Variants in TNFRSF21 observed in about 807,000 individuals in gnomAD.
TNFRSF21 encodes the protein TNF receptor superfamily member 21.
A neutral mutation model predicts 45.6 loss-of-function variants in TNFRSF21; 19 were observed. The observed-to-expected ratio is 0.42, with a 90% CI of 0.29 to 0.61. TNFRSF21 has a LOEUF of 0.61. Among genes scored for constraint, TNFRSF21 ranks in the 20% least tolerant of loss-of-function variants. The pLI, the probability that TNFRSF21 is intolerant of heterozygous loss-of-function variation, is 0.23. For synonymous variants in TNFRSF21, 314 were observed against 335.5 expected (o/e 0.94, Z 0.70); for missense variants, 737 against 851.5 (o/e 0.87, Z 1.67).
intron 4 of TNFRSF21, among the ~76,000 whole-genome samples, chr6:47,247,989 T>G (rs1002440263): frequency 6.6e-6 from 1 of 152,216 alleles, no homozygotes; most frequent in South Asian, 2.1e-4. Context: ...AAGTAGAGCA[T>G]TGATTCTCCA....
chr6:47,246,689 G>C (rs529668040), intron 4 of TNFRSF21, among the ~76,000 whole-genome samples: 8 of 152,166 alleles, frequency 5.3e-5, no homozygotes, highest in African/African-American at 1.2e-4. Flanking sequence ...TAAAACAGAC[G>C]TTCTTTGCAG....
At chr6:47,282,758 T>C (rs1762588118) in intron 3 of TNFRSF21, among the ~76,000 whole-genome samples, 1 of 152,212 alleles carries the variant, frequency 6.6e-6, no homozygotes, top group South Asian at 2.1e-4. Context: ...TTTGTTTTTT[T>C]CCTTTAACCT....
At chr6:47,245,650 T>G (rs956137379) in intron 4 of TNFRSF21, among the ~76,000 whole-genome samples, 4 of 148,822 alleles carry the variant, frequency 2.7e-5, no homozygotes, top group African/African-American at 1.0e-4. Context: ...ACAATTATAA[T>G]TAACAGTATT....
intron 1 of TNFRSF21, among the ~76,000 whole-genome samples, chr6:47,297,932 G>A (rs1479757528): frequency 6.6e-6 from 1 of 151,980 alleles, no homozygotes; most frequent in East Asian, 1.9e-4. Flanking sequence ...AACCATCCCG[G>A]ACTTAGAGCA....
chr6:47,262,935 C>T (rs924198506), intron 3 of TNFRSF21, among the ~76,000 whole-genome samples: 1 of 152,148 alleles, frequency 6.6e-6, no homozygotes, highest in African/African-American at 2.4e-5. Context: ...TCTGACTTTA[C>T]ATTTAAACAG....
chr6:47,309,639 T>C lies in TNFRSF21; in HGVS notation c.-128A>G. 2 of 1,256,870 alleles carry C rather than the reference T, an allele frequency of 1.6e-6. No individual in the cohort carries two copies. Among genetic ancestry groups the C allele is most frequent in the Non-Finnish European group, 2.0e-6 (2 of 978,562 alleles). 77.9% of individuals were successfully genotyped at this position (1,256,870 alleles called of 1,614,324 possible). On this transcript the variant is annotated 5_prime_UTR_variant, in exon 1 of 6. An upstream start codon of the reference 5' UTR is lost. Transcript: ENST00000296861. Reference sequence around the variant, plus strand: ...GAGCCCATCTACCTCCAACACCCCATGTGCACTGCTGCGGCCGGGCAGAGG... The same window carrying C: ...GAGCCCATCTACCTCCAACACCCCACGTGCACTGCTGCGGCCGGGCAGAGG...
chr6:47,237,292 A>T (rs889017054), intron 4 of TNFRSF21, among the ~76,000 whole-genome samples: 4 of 151,496 alleles, frequency 2.6e-5, no homozygotes, highest in Non-Finnish European at 5.9e-5. Flanking sequence ...TTCCCAAAAG[A>T]AAAAAAAATG....
At chr6:47,269,549 GT>G (rs1762382965) in intron 3 of TNFRSF21, among the ~76,000 whole-genome samples, 1 of 152,180 alleles carries the variant, frequency 6.6e-6, no homozygotes, top group African/African-American at 2.4e-5. Context: ...AGGATAGCAT[GT>G]TTACTTCATA....
intron 1 of TNFRSF21, among the ~76,000 whole-genome samples, chr6:47,299,880 G>A (rs1762842477): frequency 1.3e-5 from 2 of 152,200 alleles, no homozygotes; most frequent in African/African-American, 2.4e-5. Flanking sequence ...GGCAAATTCA[G>A]TTCTTCTGGA....
rs143094975 is a variant in TNFRSF21, at chr6:47,232,660, A to AAC, written c.*103_*104dup. 3.0e-5 allele frequency: 19 copies of AAC among 635,946 alleles called. No individual in the cohort carries two copies. The highest frequency in any genetic ancestry group is 8.7e-5 in the Admixed American group (3 of 34,620). The allele number at this position is 635,946 out of a possible 1,614,324, so 39.4% of individuals were successfully genotyped here. On this transcript the variant is annotated 3_prime_UTR_variant, in exon 6 of 6. Coordinates refer to ENST00000296861, the MANE Select transcript of TNFRSF21 (RefSeq NM_014452.5). Reference sequence around the variant, plus strand: ...ACACACACACACACACACACACACAAACACACACACACACCCCAAACAACA... The same window carrying AAC: ...ACACACACACACACACACACACACAAACACACACACACACACCCCAAACAACA...
At chr6:47,237,578 A>G (rs973797823) in intron 4 of TNFRSF21, among the ~76,000 whole-genome samples, 5 of 152,258 alleles carry the variant, frequency 3.3e-5, no homozygotes, top group African/African-American at 1.2e-4. Context: ...CCATATTTCC[A>G]GAGAAGAGGA....
At chr6:47,300,316 C>T (rs1762846776) in intron 1 of TNFRSF21, among the ~76,000 whole-genome samples, 1 of 152,180 alleles carries the variant, frequency 6.6e-6, no homozygotes, top group Non-Finnish European at 1.5e-5. Context: ...TTGATCACTG[C>T]TTTCAATATC....
chr6:47,253,794 A>C (rs1285604536), intron 3 of TNFRSF21, among the ~76,000 whole-genome samples: 1 of 152,202 alleles, frequency 6.6e-6, no homozygotes, highest in African/African-American at 2.4e-5. Flanking sequence ...ATGTTTCGAA[A>C]GCCAAACCCA....
intron 3 of TNFRSF21, among the ~76,000 whole-genome samples, chr6:47,276,120 T>G (rs905209571): frequency 3.9e-5 from 6 of 152,224 alleles, no homozygotes; most frequent in African/African-American, 1.4e-4. Context: ...AGTAGCTGAA[T>G]GGATTTGAAC....
Position 47,286,580 on chromosome 6 carries a change from T to C in TNFRSF21, c.112A>G (p.Thr38Ala), listed in dbSNP as rs775611191. The change falls in exon 2 of 6, where the codon ACC (threonine) becomes GCC (alanine). Residue 38 changes from threonine to alanine, a missense_variant. By Grantham distance (58) the Thr-to-Ala change is moderately conservative (BLOSUM62 0). Coordinates refer to ENST00000296861, the MANE Select transcript of TNFRSF21 (RefSeq NM_014452.5). ...GSLLLLGFLS[T>A]TTAQPEQKAS... is the part of the protein sequence containing the mutation. ...TTCTGTTCTGGCTGAGCTGTGGTGGTGCTAAGGAATCCAAGCTGAAAGAAA... is the reference window on the plus strand; with the variant it reads ...TTCTGTTCTGGCTGAGCTGTGGTGGCGCTAAGGAATCCAAGCTGAAAGAAA... 1.4e-5 allele frequency: 23 copies of C among 1,600,588 alleles called. No individual in the cohort carries two copies. In the Middle Eastern group the frequency reaches 2.7e-3, roughly 185 times the overall value.
chr6:47,232,584 G>A lies in TNFRSF21; in HGVS notation c.*181C>T. 1 of 555,696 alleles carries A rather than the reference G, an allele frequency of 1.8e-6. No individual in the cohort carries two copies. The highest frequency in any genetic ancestry group is 3.1e-6 in the Non-Finnish European group (1 of 322,370). The allele number at this position is 555,696 out of a possible 1,614,324, so 34.4% of individuals were successfully genotyped here. A position where few individuals can be genotyped will look rare whatever the true frequency, so the allele number is the denominator to read the frequency against. On this transcript the variant is annotated 3_prime_UTR_variant, in exon 6 of 6. Transcript: ENST00000296861. ...TATTTAAAAAAAAAAGAGAGAGAGA[G>A]AAGGAGAAAGAACTCAAGCACTGGC...
chr6:47,264,353 C>T (rs1762297628), intron 3 of TNFRSF21, among the ~76,000 whole-genome samples: 1 of 152,142 alleles, frequency 6.6e-6, no homozygotes, highest in African/African-American at 2.4e-5. Context: ...CATGGCGAAA[C>T]CCTGTCTCTA....
At chr6:47,257,621 T>G (rs181026001) in intron 3 of TNFRSF21, among the ~76,000 whole-genome samples, 1 of 152,318 alleles carries the variant, frequency 6.6e-6, no homozygotes, top group East Asian at 1.9e-4. Flanking sequence ...CAAATTGAGA[T>G]AGTTACCTCT....
In TNFRSF21 at chr6:47,252,980, C is replaced by T. The variant is rs532056241; in HGVS notation, c.1509+276G>A. 1.3e-5 allele frequency among the ~76,000 whole-genome samples: 2 copies of T among 152,222 alleles called. 1 individual carries two copies. Among genetic ancestry groups the T allele is most frequent in the South Asian group, 4.2e-4 (2 of 4,818 alleles). On this transcript the variant is annotated intron_variant, in intron 4 of 5. Coordinates refer to ENST00000296861, the MANE Select transcript of TNFRSF21 (RefSeq NM_014452.5). ...GCTTTTACAAATACCGATTCACGCTCTGCCCCCTGGAGATTCTGATGTGAC... is the reference window on the plus strand; with the variant it reads ...GCTTTTACAAATACCGATTCACGCTTTGCCCCCTGGAGATTCTGATGTGAC...
Sources: gnomAD v4.1 joint callset for allele counts (sites outside exome capture counted in the v4.1 genomes callset) on GRCh38, gnomAD v4.1.1 for gene constraint, MANE v1.5 for transcripts, NCBI Gene and HGNC (gene_info 2026-07-23, HGNC 2026-07-21) for gene names.